Variants in PPP4R2 observed in about 807,000 individuals in gnomAD.
The protein encoded by PPP4R2 is serine/threonine-protein phosphatase 4 regulatory subunit 2.
A neutral mutation model predicts 47.2 loss-of-function variants in PPP4R2; 13 were observed. The observed-to-expected ratio is 0.28, with a 90% CI of 0.18 to 0.44. PPP4R2 has a LOEUF of 0.44. Among genes scored for constraint, PPP4R2 ranks in the 20% least tolerant of loss-of-function variants. The probability of loss-of-function intolerance (pLI) is 1.00; values close to 1 mark genes in which losing one functional copy is unlikely to be tolerated. For missense variants in PPP4R2, 421 were observed against 491.2 expected (o/e 0.86, Z 1.35); for synonymous variants, 151 against 163.3 (o/e 0.92, Z 0.57).
At chr3:73,003,233 A>T (rs1381605773) in intron 2 of PPP4R2, among the ~76,000 whole-genome samples, 6 of 145,330 alleles carry the variant, frequency 4.1e-5, no homozygotes, top group African/African-American at 1.5e-4. Context: ...TTTTTTTGAG[A>T]CAGAGTCTCA....
intron 3 of PPP4R2, among the ~76,000 whole-genome samples, chr3:73,048,772 A>C (rs1702543062): frequency 6.6e-6 from 1 of 152,222 alleles, no homozygotes; most frequent in Admixed American, 6.5e-5. Context: ...TTGATTCTTT[A>C]GGTATTTAAT....
chr3:73,054,003 A>G (rs983432809), intron 3 of PPP4R2, among the ~76,000 whole-genome samples: 4 of 151,376 alleles, frequency 2.6e-5, no homozygotes, highest in African/African-American at 4.9e-5. Flanking sequence ...GTGTTGCTCT[A>G]TTACCTGGGT....
At position 72,997,411 on chromosome 3, in the gene PPP4R2, C is replaced by T. The variant is rs150821350; in HGVS notation, c.34+340C>T. Reference sequence around the variant, plus strand: ...TATCCTCTTTTCTCCACCAGGCTACCCGTACGCTAGGCGTTGGGGTGGGAG... The same window carrying T: ...TATCCTCTTTTCTCCACCAGGCTACTCGTACGCTAGGCGTTGGGGTGGGAG... On this transcript the variant is annotated intron_variant, in intron 1 of 8. Coordinates refer to ENST00000356692, the MANE Select transcript of PPP4R2 (RefSeq NM_174907.4). The T allele has an allele frequency of 2.1e-3, 547 of 256,192 alleles. 8 individuals carry two copies. Among genetic ancestry groups the T allele is most frequent in the African/African-American group, 0.011 (499 of 44,748 alleles). The allele number at this position is 256,192 out of a possible 1,614,324, so 15.9% of individuals were successfully genotyped here.
At chr3:73,027,880 C>T (rs904484455) in intron 2 of PPP4R2, 9 of 150,860 alleles carry the variant, frequency 6.0e-5, no homozygotes, top group Non-Finnish European at 1.3e-4. Context: ...CTCCCCACCG[C>T]TCCCCTCAAA....
intron 2 of PPP4R2, among the ~76,000 whole-genome samples, chr3:73,043,609 A>T (rs1162987953): frequency 6.6e-6 from 1 of 152,192 alleles, no homozygotes; most frequent in Non-Finnish European, 1.5e-5. Flanking sequence ...CTCGTTCATT[A>T]TTCATCTTTT....
intron 2 of PPP4R2, among the ~76,000 whole-genome samples, chr3:73,009,496 C>T (rs1281219296): frequency 6.6e-6 from 1 of 152,154 alleles, no homozygotes; most frequent in Non-Finnish European, 1.5e-5. Context: ...TCTACAGATC[C>T]ACTTAGTGTC....
chr3:72,998,578 CAT>C (rs1489451179), intron 2 of PPP4R2, among the ~76,000 whole-genome samples: 4 of 151,810 alleles, frequency 2.6e-5, no homozygotes, highest in Admixed American at 2.6e-4. Context: ...TTTTTTTGGT[CAT>C]ATTTGCATAT....
intron 2 of PPP4R2, among the ~76,000 whole-genome samples, chr3:73,035,124 C>A (rs1054308614): frequency 6.6e-6 from 1 of 152,188 alleles, no homozygotes; most frequent in Non-Finnish European, 1.5e-5. Flanking sequence ...GGCTAATTAT[C>A]TGAACATTTT....
At position 73,064,885 on chromosome 3, in the gene PPP4R2, A is replaced by T. The variant is rs1025689152; in HGVS notation, c.672A>T (p.Ser224=). The change falls in exon 8 of 9, where the codon TCA becomes TCT. Residue 224 remains serine, a synonymous_variant. Coordinates refer to ENST00000356692, the MANE Select transcript of PPP4R2 (RefSeq NM_174907.4). ...CGACCTCTGAATCAGAAGTTTCCTC[A>T]GTGAGCCCTTTGAAAAATAAACATC... ...DSSTSESEVS[S]VSPLKNKHPD... 3 of 1,612,612 alleles carry T rather than the reference A, an allele frequency of 1.9e-6. No homozygotes were observed. The highest frequency in any genetic ancestry group is 2.5e-6 in the Non-Finnish European group (3 of 1,179,394).
chr3:73,043,636 A>T lies in PPP4R2; in HGVS notation c.117-3550A>T, dbSNP rs115371039. Among the ~76,000 whole-genome samples the T allele has an allele frequency of 3.2e-3, 493 of 152,290 alleles. 2 individuals are homozygous for T. Among genetic ancestry groups the T allele is most frequent in the African/African-American group, 0.011 (455 of 41,548 alleles). ...TCATCTTTTTGATTATAGCCACCCT[A>T]GTGGGTGTGAAATGGGTGGTTTTGA... is the stretch of plus-strand genomic sequence containing the variant. On this transcript the variant is annotated intron_variant, in intron 2 of 8. Transcript: ENST00000356692.
At chr3:73,012,307 T>C (rs751826684) in intron 2 of PPP4R2, among the ~76,000 whole-genome samples, 11 of 152,226 alleles carry the variant, frequency 7.2e-5, no homozygotes, top group East Asian at 5.8e-4. Context: ...ATTTTCTCCT[T>C]CTTTTTTTTT....
chr3:73,020,718 G>A (rs950736741), intron 2 of PPP4R2, among the ~76,000 whole-genome samples: 1 of 151,322 alleles, frequency 6.6e-6, no homozygotes, highest in Non-Finnish European at 1.5e-5. Flanking sequence ...TGTAGAGACA[G>A]GGTGTTGCTG....
At chr3:73,021,848 A>ATGTGTGTGTG (rs34010770) in intron 2 of PPP4R2, among the ~76,000 whole-genome samples, 89 of 131,002 alleles carry the variant, frequency 6.8e-4, no homozygotes, top group Middle Eastern at 3.9e-3. Context: ...ACATTTCTAT[A>ATGTGTGTGTG]TGTGTGTGTG....
chr3:73,037,830 T>C (rs1702296336), intron 2 of PPP4R2, among the ~76,000 whole-genome samples: 1 of 152,214 alleles, frequency 6.6e-6, no homozygotes, highest in African/African-American at 2.4e-5. Flanking sequence ...TCTCGGCAAT[T>C]AAGTGTTTAT....
At chr3:73,064,579 A>G (rs1026323310) in intron 7 of PPP4R2, among the ~76,000 whole-genome samples, 2 of 152,242 alleles carry the variant, frequency 1.3e-5, no homozygotes, top group African/African-American at 4.8e-5. Flanking sequence ...GTATGTCCGT[A>G]TGGAAGACTT....
intron 2 of PPP4R2, among the ~76,000 whole-genome samples, chr3:73,031,990 A>G (rs997256936): frequency 6.6e-6 from 1 of 152,180 alleles, no homozygotes; most frequent in African/African-American, 2.4e-5. Context: ...TGGGGGAAAC[A>G]GAGAGGCTAG....
At chr3:73,058,145 T>C (rs1310739757) in intron 3 of PPP4R2, among the ~76,000 whole-genome samples, 1 of 152,132 alleles carries the variant, frequency 6.6e-6, no homozygotes, top group Non-Finnish European at 1.5e-5. Flanking sequence ...CTTATATCAG[T>C]TTTGTATTTA....
chr3:73,061,813 T>A, intron 5 of PPP4R2: 1 of 365,500 alleles, frequency 2.7e-6, no homozygotes, highest in Non-Finnish European at 5.0e-6. Flanking sequence ...TCCTCCCGCC[T>A]TGGCCTTCCA....
chr3:73,063,369 A>G (rs904100051), intron 5 of PPP4R2: 9 of 251,504 alleles, frequency 3.6e-5, no homozygotes, highest in Admixed American at 5.3e-5. Context: ...AACGCCTGTA[A>G]TCCCAGCACT....
Sources: gnomAD v4.1 joint callset for allele counts (sites outside exome capture counted in the v4.1 genomes callset) on GRCh38, gnomAD v4.1.1 for gene constraint, MANE v1.5 for transcripts, NCBI Gene and HGNC (gene_info 2026-07-23, HGNC 2026-07-21) for gene names.